TAFA1: variants seen among roughly 807,000 people sequenced by gnomAD.
TAFA1 encodes the protein chemokine-like protein TAFA-1.
Under a neutral mutation model 18.5 loss-of-function variants are expected in TAFA1, and 4 were observed. The observed-to-expected ratio is 0.22, with a 90% CI of 0.11 to 0.49. The LOEUF (loss-of-function observed/expected upper bound fraction) is 0.49. Among genes scored for constraint, TAFA1 ranks in the 20% least tolerant of loss-of-function variants. TAFA1 has a pLI of 0.98. For synonymous variants in TAFA1, 56 were observed against 55.2 expected, an observed-to-expected ratio of 1.01 and a Z score of -0.06; for missense variants, 147 against 169.0, an observed-to-expected ratio of 0.87 and a Z score of 0.72.
At chr3:68,080,880 T>A (rs2064889431) in intron 2 of TAFA1, among the ~76,000 whole-genome samples, 1 of 152,218 alleles carries the variant, frequency 6.6e-6, no homozygotes, top group Admixed American at 6.5e-5. Context: ...ATTGGGGAAG[T>A]TCTCCTGGAT....
At chr3:68,293,883 G>A (rs2068158604) in intron 2 of TAFA1, among the ~76,000 whole-genome samples, 2 of 152,096 alleles carry the variant, frequency 1.3e-5, no homozygotes, top group South Asian at 4.1e-4. Flanking sequence ...TGTGAAAGAG[G>A]TCAGGGAGAA....
At chr3:68,502,339 T>C (rs1416016153) in intron 3 of TAFA1, among the ~76,000 whole-genome samples, 2 of 152,046 alleles carry the variant, frequency 1.3e-5, no homozygotes, top group Non-Finnish European at 2.9e-5. Flanking sequence ...TCTTGTGCTT[T>C]AGAACACACA....
chr3:68,486,198 C>A (rs984230116), intron 3 of TAFA1, among the ~76,000 whole-genome samples: 1 of 151,270 alleles, frequency 6.6e-6, no homozygotes, highest in Non-Finnish European at 1.5e-5. Context: ...AACTTCTGGG[C>A]TCAAGCCATC....
At chr3:68,028,103 C>T (rs1704854597) in intron 2 of TAFA1, among the ~76,000 whole-genome samples, 1 of 152,114 alleles carries the variant, frequency 6.6e-6, no homozygotes, top group Non-Finnish European at 1.5e-5. Flanking sequence ...AGTTCAAGAC[C>T]AGCCTGGCCA....
intron 3 of TAFA1, among the ~76,000 whole-genome samples, chr3:68,418,593 G>T (rs956082485): frequency 6.8e-6 from 1 of 147,584 alleles, no homozygotes; most frequent in Non-Finnish European, 1.5e-5. Context: ...GTGTGTACGT[G>T]CAAGTCACAG....
intron 2 of TAFA1, among the ~76,000 whole-genome samples, chr3:68,267,513 C>A (rs1437354001): frequency 6.6e-6 from 1 of 152,046 alleles, no homozygotes; most frequent in African/African-American, 2.4e-5. Context: ...AAGAATTATC[C>A]CACCCTATAG....
chr3:68,400,725 T>C (rs946376748), intron 2 of TAFA1, among the ~76,000 whole-genome samples: 2 of 152,282 alleles, frequency 1.3e-5, no homozygotes, highest in South Asian at 4.1e-4. Context: ...TAGTGGACAT[T>C]TATACATGGA....
intron 3 of TAFA1, among the ~76,000 whole-genome samples, chr3:68,434,693 G>C (rs1210762982): frequency 6.6e-6 from 1 of 152,084 alleles, no homozygotes; most frequent in Non-Finnish European, 1.5e-5. Context: ...TGATTATTCT[G>C]ATGGGAAAAC....
intron 2 of TAFA1, among the ~76,000 whole-genome samples, chr3:68,290,853 G>C (rs2068091866): frequency 6.6e-6 from 1 of 151,452 alleles, no homozygotes; most frequent in Non-Finnish European, 1.5e-5. Context: ...ACTGTGAATA[G>C]ATAAATCTGA....
At chr3:68,521,697 A>G (rs953631960) in intron 3 of TAFA1, among the ~76,000 whole-genome samples, 13 of 152,082 alleles carry the variant, frequency 8.5e-5, no homozygotes, top group African/African-American at 3.1e-4. Context: ...CTTGTATTTG[A>G]GAAAGTCAGT....
chr3:68,104,330 G>A (rs1199456287), intron 2 of TAFA1, among the ~76,000 whole-genome samples: 1 of 151,902 alleles, frequency 6.6e-6, no homozygotes, highest in Non-Finnish European at 1.5e-5. Context: ...CTTTTCAAGT[G>A]TATGATAAAA....
At chr3:68,335,888 T>C (rs2068962426) in intron 2 of TAFA1, among the ~76,000 whole-genome samples, 1 of 152,226 alleles carries the variant, frequency 6.6e-6, no homozygotes, top group African/African-American at 2.4e-5. Context: ...TGTTGCTTTG[T>C]CAAGTTGTCA....
chr3:68,074,757 A>G (rs1183093133), intron 2 of TAFA1, among the ~76,000 whole-genome samples: 3 of 152,170 alleles, frequency 2.0e-5, no homozygotes, highest in Admixed American at 2.0e-4. Flanking sequence ...CTTGTCTCAT[A>G]ACCACCATAT....
In TAFA1 at chr3:68,121,188, T is replaced by A. The variant is rs78404862; in HGVS notation, c.118+114444T>A. The stretch of plus-strand genomic sequence containing the variant: ...CAGGCTGAAAAATGCTTTTTTATAA[T>A]GCATCTTATTCTAATTATTCACAGA... On this transcript the variant is annotated intron_variant, in intron 2 of 4. Coordinates refer to ENST00000478136, the MANE Select transcript of TAFA1 (RefSeq NM_213609.4). Among the ~76,000 whole-genome samples the A allele has an allele frequency of 7.4e-4, 112 of 151,638 alleles. 2 individuals carry two copies. The East Asian group carries it at 0.019, about 26-fold the overall frequency.
At chr3:68,038,037 C>A (rs186632801) in intron 2 of TAFA1, among the ~76,000 whole-genome samples, 6 of 152,262 alleles carry the variant, frequency 3.9e-5, no homozygotes, top group Non-Finnish European at 7.4e-5. Flanking sequence ...ATAAATGATT[C>A]TCTGCTGATT....
intron 3 of TAFA1, among the ~76,000 whole-genome samples, chr3:68,424,409 G>A (rs1349317440): frequency 6.6e-6 from 1 of 152,018 alleles, no homozygotes; most frequent in Non-Finnish European, 1.5e-5. Context: ...AAAATGGCTT[G>A]ATTCATTTTC....
At chr3:68,209,546 A>G (rs1272775543) in intron 2 of TAFA1, among the ~76,000 whole-genome samples, 1 of 151,988 alleles carries the variant, frequency 6.6e-6, no homozygotes, top group Non-Finnish European at 1.5e-5. Flanking sequence ...CTTCTTAACC[A>G]GTTTATTTGC....
chr3:68,136,334 A>T (rs1264034370), intron 2 of TAFA1, among the ~76,000 whole-genome samples: 2 of 152,226 alleles, frequency 1.3e-5, no homozygotes, highest in African/African-American at 4.8e-5. Flanking sequence ...ATATGCATGC[A>T]TTTGAAATAT....
At chr3:68,214,516 C>T (rs1353635867) in intron 2 of TAFA1, among the ~76,000 whole-genome samples, 1 of 152,030 alleles carries the variant, frequency 6.6e-6, no homozygotes, top group Admixed American at 6.6e-5. Flanking sequence ...GCATAGTGTT[C>T]GAGAGCTCAG....
Sources: gnomAD v4.1 joint callset for allele counts (sites outside exome capture counted in the v4.1 genomes callset) on GRCh38, gnomAD v4.1.1 for gene constraint, MANE v1.5 for transcripts, NCBI Gene and HGNC (gene_info 2026-07-23, HGNC 2026-07-21) for gene names.